Variants in HSD11B1 observed in about 807,000 individuals in gnomAD.
HSD11B1 encodes the protein hydroxysteroid 11-beta dehydrogenase 1.
A neutral mutation model predicts 22.1 loss-of-function variants in HSD11B1; 15 were observed. The observed-to-expected ratio is 0.68, with a 90% CI of 0.45 to 1.04. The LOEUF is 1.04. HSD11B1 is among the 50% of genes least tolerant of loss of function. The probability of loss-of-function intolerance (pLI) is 0.00; values close to 1 mark genes in which losing one functional copy is unlikely to be tolerated. For synonymous variants in HSD11B1, 122 were observed against 125.2 expected (o/e 0.97, Z 0.17); for missense variants, 281 against 357.6 (o/e 0.79, Z 1.73).
At chr1:209,705,964 T>C (rs1425856145) in intron 2 of HSD11B1, 23 bp downstream of exon 2, 2 of 1,613,482 alleles carry the variant, frequency 1.2e-6, no homozygotes, top group East Asian at 2.2e-5. Context: ...TGCTCGCAGA[T>C]ATGTGTACCG....
intron 4 of HSD11B1, among the ~76,000 whole-genome samples, chr1:209,713,950 G>T (rs1482815401): frequency 6.6e-6 from 1 of 152,212 alleles, no homozygotes; most frequent in Non-Finnish European, 1.5e-5. Flanking sequence ...GGAATGGTCA[G>T]GGAGAGAGAG....
intron 4 of HSD11B1, among the ~76,000 whole-genome samples, chr1:209,728,942 G>C (rs143899636): frequency 6.6e-6 from 1 of 152,318 alleles, no homozygotes; most frequent in East Asian, 1.9e-4. Context: ...GCTCATACCT[G>C]CAGTTAGGAA....
At chr1:209,731,302 G>C (rs1439601847) in intron 4 of HSD11B1, among the ~76,000 whole-genome samples, 2 of 151,926 alleles carry the variant, frequency 1.3e-5, no homozygotes, top group Non-Finnish European at 2.9e-5. Flanking sequence ...CAAGTTAACT[G>C]GCCACTTAAA....
intron 1 of HSD11B1, among the ~76,000 whole-genome samples, chr1:209,692,556 A>T (rs2076766302): frequency 7.0e-6 from 1 of 142,846 alleles, no homozygotes; most frequent in South Asian, 2.3e-4. Context: ...CTGGGGGATG[A>T]TGGCAAATGA....
At position 209,732,598 on chromosome 1, in the gene HSD11B1, GT is replaced by G. The variant is rs45537435; in HGVS notation, c.661+28del. The G allele has an allele frequency of 5.7e-5, 91 of 1,592,320 alleles. 1 individual carries two copies. The highest frequency in any genetic ancestry group is 1.9e-4 in the African/African-American group (14 of 74,232). On this transcript the variant is annotated intron_variant, in intron 5 of 5. Coordinates refer to ENST00000367027, the MANE Select transcript of HSD11B1 (RefSeq NM_005525.4). The stretch of plus-strand genomic sequence containing the variant: ...GACACAGGTAAGGTCAATACTTTGT[GT>G]TTTTTTTTAATTATTATACTTTAAG...
chr1:209,715,946 A>G (rs1018558643), intron 4 of HSD11B1, among the ~76,000 whole-genome samples: 2 of 152,206 alleles, frequency 1.3e-5, no homozygotes, highest in African/African-American at 4.8e-5. Flanking sequence ...AAAAATGGGC[A>G]AAGGATATAT....
chr1:209,686,196 A>C (rs2076727513), upstream of HSD11B1: 1 of 152,256 alleles, frequency 6.6e-6, no homozygotes, highest in Non-Finnish European at 1.5e-5. Flanking sequence ...AAACAGAAGG[A>C]AAGGCAGAGG....
At chr1:209,693,358 T>G (rs772030937) in intron 1 of HSD11B1, among the ~76,000 whole-genome samples, 1 of 152,174 alleles carries the variant, frequency 6.6e-6, no homozygotes, top group Non-Finnish European at 1.5e-5. Flanking sequence ...GAGGAGACAT[T>G]TGAGAATTTA....
At chr1:209,690,309 AAATAAT>A (rs767383228) in intron 1 of HSD11B1, among the ~76,000 whole-genome samples, 15 of 152,214 alleles carry the variant, frequency 9.9e-5, no homozygotes, top group African/African-American at 3.6e-4. Context: ...CTGTCTCAAA[AAATAAT>A]AATAATAAGA....
At chr1:209,723,661 C>T (rs1215853958) in intron 4 of HSD11B1, among the ~76,000 whole-genome samples, 1 of 152,228 alleles carries the variant, frequency 6.6e-6, no homozygotes, top group African/African-American at 2.4e-5. Flanking sequence ...TAAGCTGGAA[C>T]CTGCTGTTGG....
At chr1:209,711,719 T>A (rs1004866426) in intron 4 of HSD11B1, among the ~76,000 whole-genome samples, 1 of 152,048 alleles carries the variant, frequency 6.6e-6, no homozygotes, top group African/African-American at 2.4e-5. Flanking sequence ...TTCCAGAAAA[T>A]TTATTCTATA....
At chr1:209,687,485 A>G (rs181326258) in intron 1 of HSD11B1, among the ~76,000 whole-genome samples, 29 of 152,376 alleles carry the variant, frequency 1.9e-4, no homozygotes, top group Admixed American at 6.5e-4. Context: ...TAATTTGAGT[A>G]CAGCTAAAAG....
At chr1:209,718,308 A>T (rs2076943030) in intron 4 of HSD11B1, among the ~76,000 whole-genome samples, 1 of 152,246 alleles carries the variant, frequency 6.6e-6, no homozygotes, top group Non-Finnish European at 1.5e-5. Flanking sequence ...CTTGATCATT[A>T]CATATTCTAT....
At chr1:209,721,851 G>C (rs1230025167) in intron 4 of HSD11B1, among the ~76,000 whole-genome samples, 1 of 152,184 alleles carries the variant, frequency 6.6e-6, no homozygotes, top group Non-Finnish European at 1.5e-5. Flanking sequence ...GGCACTTCCA[G>C]CCCTCCCTGT....
chr1:209,712,211 T>C (rs1430295771), intron 4 of HSD11B1, among the ~76,000 whole-genome samples: 1 of 152,188 alleles, frequency 6.6e-6, no homozygotes, highest in Non-Finnish European at 1.5e-5. Flanking sequence ...ATAGATCCTG[T>C]GCTTAAGCTT....
At chr1:209,734,266 T>C in intron 5 of HSD11B1, 38 bp from the exon 6 acceptor site, 1 of 1,524,760 alleles carries the variant, frequency 6.6e-7, no homozygotes, top group Non-Finnish European at 9.0e-7. Flanking sequence ...TAGACTGTCC[T>C]AGTCAGATAA....
chr1:209,731,373 T>C (rs1328547297), intron 4 of HSD11B1, among the ~76,000 whole-genome samples: 1 of 152,016 alleles, frequency 6.6e-6, no homozygotes, highest in Non-Finnish European at 1.5e-5. Flanking sequence ...CAATGTATCA[T>C]TCACGATATC....
rs780366019 is a variant in HSD11B1, at chr1:209,705,798, T to C, written c.89-13T>C. 9 of 1,613,304 alleles carry C rather than the reference T, an allele frequency of 5.6e-6. No homozygotes were observed. In the East Asian group the frequency reaches 1.8e-4, roughly 32 times the overall value. ...CTTGGGTATGGTCCTCACTTCCTTT[T>C]GGGGTTCCCCAGAGATGCTCCAAGG... On this transcript the variant is annotated splice_polypyrimidine_tract_variant and intron_variant, in intron 1 of 5. Transcript: ENST00000367027.
At chr1:209,728,291 T>C (rs929101131) in intron 4 of HSD11B1, among the ~76,000 whole-genome samples, 1 of 152,210 alleles carries the variant, frequency 6.6e-6, no homozygotes, top group African/African-American at 2.4e-5. Flanking sequence ...TCCAAGTAAC[T>C]AGCTATTTGT....
Sources: gnomAD v4.1 joint callset for allele counts (sites outside exome capture counted in the v4.1 genomes callset) on GRCh38, gnomAD v4.1.1 for gene constraint, MANE v1.5 for transcripts, NCBI Gene and HGNC (gene_info 2026-07-23, HGNC 2026-07-21) for gene names.